Variants in CA8 observed in about 807,000 individuals in gnomAD.
The protein encoded by CA8 is carbonic anhydrase 8 (inactive), also known as carbonic anhydrase-related protein.
A neutral mutation model predicts 41.4 loss-of-function variants in CA8; 22 were observed. The ratio of observed to expected loss-of-function variants is 0.53; its 90% CI spans 0.38 to 0.76. The LOEUF (loss-of-function observed/expected upper bound fraction) is 0.76, where lower values mean the gene tolerates loss of function less well. CA8 is among the 30% of genes least tolerant of loss of function. The pLI is 0.00. For synonymous variants in CA8, 121 were observed against 130.6 expected (o/e 0.93, Z 0.50); for missense variants, 270 against 352.8 (o/e 0.77, Z 1.88).
chr8:60,262,924 T>C (rs1054747702), intron 3 of CA8, among the ~76,000 whole-genome samples: 7 of 152,128 alleles, frequency 4.6e-5, no homozygotes, highest in African/African-American at 1.7e-4. Flanking sequence ...AAGTCCCAAA[T>C]TGTGTTAAGT....
At chr8:60,196,260 A>T (rs187976169) in intron 8 of CA8, among the ~76,000 whole-genome samples, 7 of 152,332 alleles carry the variant, frequency 4.6e-5, no homozygotes, top group Admixed American at 6.5e-5. Context: ...TGATAATAAT[A>T]GTAATTGCTC....
chr8:60,205,996 A>G (rs1806563867), intron 8 of CA8, among the ~76,000 whole-genome samples: 2 of 152,254 alleles, frequency 1.3e-5, no homozygotes, highest in Non-Finnish European at 2.9e-5. Context: ...ATTATTAAAT[A>G]TCAAATAAAA....
In CA8 at chr8:60,187,912, T is replaced by C. The variant is rs1049308471; in HGVS notation, c.*2109A>G. 4 of 152,182 alleles carry C rather than the reference T, an allele frequency of 2.6e-5. No homozygotes were observed. Among genetic ancestry groups the C allele is most frequent in the Non-Finnish European group, 4.4e-5 (3 of 68,036 alleles). The allele number at this position is 152,182 out of a possible 1,614,324, so 9.4% of individuals were successfully genotyped here. On this transcript the variant is annotated 3_prime_UTR_variant, in exon 9 of 9. Coordinates refer to ENST00000317995, the MANE Select transcript of CA8 (RefSeq NM_004056.6). ...TTTCCTATCACACCATCAAAACAGA[T>C]TTGAGATTAGTTGTTGTGCTTTCGT...
chr8:60,186,595 C>A lies in CA8; in HGVS notation c.*3426G>T. On this transcript the variant is annotated 3_prime_UTR_variant, in exon 9 of 9. Coordinates refer to ENST00000317995, the MANE Select transcript of CA8 (RefSeq NM_004056.6). Reference sequence around the variant, plus strand: ...TTAAGTGCAAATGGGTTAAATAATCCAACCAAAAGGCAGAGAGACTGTCAG... The same window carrying A: ...TTAAGTGCAAATGGGTTAAATAATCAAACCAAAAGGCAGAGAGACTGTCAG... Among the ~76,000 whole-genome samples, 1 of 150,656 alleles carries A rather than the reference C, an allele frequency of 6.6e-6. No individual in the cohort carries two copies. Among genetic ancestry groups the A allele is most frequent in the African/African-American group, 2.4e-5 (1 of 41,026 alleles).
At chr8:60,213,318 C>T (rs571084881) in intron 7 of CA8, among the ~76,000 whole-genome samples, 9 of 152,380 alleles carry the variant, frequency 5.9e-5, no homozygotes, top group African/African-American at 2.2e-4. Context: ...CGGCCCTCAT[C>T]ACCTCAAGAG....
chr8:60,255,557 T>A (rs1044491821), intron 3 of CA8, among the ~76,000 whole-genome samples: 1 of 152,214 alleles, frequency 6.6e-6, no homozygotes, highest in Non-Finnish European at 1.5e-5. Flanking sequence ...GTTTAAGTGA[T>A]TCATTAAGCT....
chr8:60,270,923 A>G lies in CA8; in HGVS notation c.293-4874T>C, dbSNP rs1585931534. Reference sequence around the variant, plus strand: ...GCTTTATTAAATATCTTCAGCTCTTAAGGGTAGAGATCATAACAATAGCAC... The same window carrying G: ...GCTTTATTAAATATCTTCAGCTCTTGAGGGTAGAGATCATAACAATAGCAC... On this transcript the variant is annotated intron_variant, in intron 2 of 8. Coordinates refer to ENST00000317995, the MANE Select transcript of CA8 (RefSeq NM_004056.6). Among the ~76,000 whole-genome samples the G allele has an allele frequency of 2.6e-5, 4 of 152,270 alleles. No homozygotes were observed. The East Asian group carries it at 7.7e-4, about 29-fold the overall frequency.
At chr8:60,270,820 GTTC>G (rs1804047157) in intron 2 of CA8, among the ~76,000 whole-genome samples, 1 of 152,146 alleles carries the variant, frequency 6.6e-6, no homozygotes, top group Non-Finnish European at 1.5e-5. Flanking sequence ...GTATCATTTA[GTTC>G]TTTTTTTAAC....
intron 7 of CA8, among the ~76,000 whole-genome samples, chr8:60,216,814 T>C (rs997457427): frequency 5.9e-5 from 9 of 152,198 alleles, no homozygotes; most frequent in Non-Finnish European, 1.0e-4. Context: ...GAATTCTAGG[T>C]AGAAATGGGA....
intron 4 of CA8, among the ~76,000 whole-genome samples, 192 bp downstream of exon 4, chr8:60,232,092 A>T (rs1013821971): frequency 1.2e-4 from 18 of 152,206 alleles, no homozygotes; most frequent in African/African-American, 4.1e-4. Context: ...TAAATAAAGG[A>T]ACTATTTTCT....
intron 3 of CA8, among the ~76,000 whole-genome samples, chr8:60,260,413 T>C (rs1413863102): frequency 1.3e-5 from 2 of 152,194 alleles, no homozygotes; most frequent in African/African-American, 4.8e-5. Context: ...ACCACCCTCC[T>C]GTGGAAGGTG....
rs1008402756 is a variant in CA8, at chr8:60,186,042, G to A, written c.*3979C>T. Among the ~76,000 whole-genome samples, 1 of 152,018 alleles carries A rather than the reference G, an allele frequency of 6.6e-6. No homozygotes were observed. Among genetic ancestry groups the A allele is most frequent in the Non-Finnish European group, 1.5e-5 (1 of 67,948 alleles). On this transcript the variant is annotated 3_prime_UTR_variant, in exon 9 of 9. Transcript: ENST00000317995. ...GGTAAATAAGAACAAAGTAGTACTG[G>A]AGTAAGAAATCACACCAGATGGTGA...
chr8:60,224,681 T>C, intron 5 of CA8, 96 bp from the exon 6 acceptor site: 1 of 780,372 alleles, frequency 1.3e-6, no homozygotes, highest in Non-Finnish European at 2.2e-6. Context: ...AATGAAGTCT[T>C]TTCTGAATGG....
intron 7 of CA8, among the ~76,000 whole-genome samples, chr8:60,209,590 A>G (rs534282007): frequency 5.9e-5 from 9 of 152,330 alleles, no homozygotes; most frequent in East Asian, 5.8e-4. Flanking sequence ...TTCCAAGTAC[A>G]TTTTAATTAA....
At chr8:60,197,354 T>C (rs1376858754) in intron 8 of CA8, among the ~76,000 whole-genome samples, 1 of 151,848 alleles carries the variant, frequency 6.6e-6, no homozygotes, top group Non-Finnish European at 1.5e-5. Flanking sequence ...TGTAACCATA[T>C]GAGACACATA....
At chr8:60,209,025 T>C (rs1044456987) in intron 7 of CA8, 106 bp from the exon 8 acceptor site, 4 of 1,238,610 alleles carry the variant, frequency 3.2e-6, no homozygotes, top group Non-Finnish European at 3.4e-6. Context: ...ACAAGAATTA[T>C]TGAAGAGAAA....
intron 1 of CA8, among the ~76,000 whole-genome samples, chr8:60,280,421 T>C (rs6980486): frequency 0.02 from 2,980 of 152,256 alleles, 84 homozygotes; most frequent in African/African-American, 0.066. Flanking sequence ...ATATTCTATA[T>C]TGGTTTCAAC....
intron 8 of CA8, among the ~76,000 whole-genome samples, chr8:60,203,989 T>C (rs944476146): frequency 1.2e-4 from 18 of 152,184 alleles, no homozygotes; most frequent in African/African-American, 4.1e-4. Flanking sequence ...GTTGGAACAT[T>C]TCCCCAATCC....
At chr8:60,257,875 A>G (rs1803600097) in intron 3 of CA8, among the ~76,000 whole-genome samples, 1 of 152,230 alleles carries the variant, frequency 6.6e-6, no homozygotes, top group Admixed American at 6.5e-5. Flanking sequence ...GCTTCTGATG[A>G]CCTGAATCTG....
Sources: allele counts gnomAD v4.1 joint callset (sites outside exome capture counted in the v4.1 genomes callset), GRCh38; gene constraint gnomAD v4.1.1; transcripts MANE v1.5; gene names NCBI Gene and HGNC (gene_info 2026-07-23, HGNC 2026-07-21).